The following PSG4 variants were observed in gnomAD, a reference collection of about 807,000 sequenced individuals.
The protein encoded by PSG4 is pregnancy-specific beta-1-glycoprotein 4.
A neutral mutation model predicts 44.3 loss-of-function variants in PSG4; 61 were observed. The observed-to-expected ratio is 1.38, with a 90% CI of 1.12 to 1.70. The LOEUF (loss-of-function observed/expected upper bound fraction) is 1.70. Ranked by LOEUF, PSG4 falls within the 40% of genes most tolerant of loss-of-function variation. The pLI is 0.00. For missense variants in PSG4, 677 were observed against 511.7 expected, an observed-to-expected ratio of 1.32 and a Z score of -3.12; for synonymous variants, 248 against 191.3, an observed-to-expected ratio of 1.30 and a Z score of -2.45.
rs1432885264 is a variant in PSG4, at chr19:43,198,274, C to T, written c.432G>A (p.Leu144=). Residue 144 remains leucine, a splice_region_variant and synonymous_variant, in exon 3 of 6, where the codon CTG becomes CTA. Transcript: ENST00000405312. Reference sequence around the variant, plus strand: ...TGGAGATGGAGGGCTTGGGAGTCTCCACTGTGCAGAAAACAGAGAGAGGTT... The same window carrying T: ...TGGAGATGGAGGGCTTGGGAGTCTCTACTGTGCAGAAAACAGAGAGAGGTT... ...VTGHFTFTLH[L]ETPKPSISSS... is the part of the protein sequence containing the mutation. 39 of 1,584,842 alleles carry T rather than the reference C, an allele frequency of 2.5e-5. 5 individuals are homozygous for T. The highest frequency in any genetic ancestry group is 3.2e-5 in the Non-Finnish European group (37 of 1,170,728).
In PSG4 at chr19:43,194,501, C is replaced by CGTGG. The variant is rs1967145771; in HGVS notation, c.1078_1081dup (p.Arg361ProfsTer10). ...ATTAATTGTCCAAGAATATTGTGCC[C>CGTGG]GTGGGTTAGACTCGGCGAAGCAGGA... On this transcript the variant is annotated frameshift_variant, in exon 5 of 6. Coordinates refer to ENST00000405312, the MANE Select transcript of PSG4 (RefSeq NM_002780.5). LOFTEE classifies it high-confidence loss of function. The CGTGG allele has an allele frequency of 6.2e-7, 1 of 1,612,436 alleles. No homozygotes were observed. Among genetic ancestry groups the CGTGG allele is most frequent in the Non-Finnish European group, 8.5e-7 (1 of 1,179,134 alleles).
Position 43,194,580 on chromosome 19 carries a change from G to C in PSG4, c.1003C>G (p.Pro335Ala). The stretch of plus-strand genomic sequence containing the variant: ...TAGGTGAATGAAGGGTAAATGCTGG[G>C]GAGGTCTGGACCATCTGGCGCAAAG... The part of the protein sequence containing the change: ...TLNVLYGPDL[P>A]SIYPSFTYYR... The change falls in exon 5 of 6, where the codon CCC becomes GCC. Residue 335 changes from proline (P) to alanine (A), a missense_variant. Pro to Ala is a conservative substitution (Grantham distance 27). Coordinates refer to ENST00000405312, the MANE Select transcript of PSG4 (RefSeq NM_002780.5). 6.2e-7 allele frequency: 1 copy of C among 1,611,546 alleles called. No individual in the cohort carries two copies. Among genetic ancestry groups the C allele is most frequent in the East Asian group, 2.2e-5 (1 of 44,872 alleles).
rs1465175595 is a variant in PSG4 at position 43,198,714 on chromosome 19, A to G, written c.431-439T>C. 5.0e-5 allele frequency: 9 copies of G among 180,536 alleles called. 4 individuals carry two copies. In the East Asian group the frequency reaches 1.5e-3, roughly 31 times the overall value. The allele number at this position is 180,536 out of a possible 1,614,324, so 11.2% of individuals were successfully genotyped here. A position where few individuals can be genotyped will look rare whatever the true frequency, so the allele number is the denominator to read the frequency against. ...CTTTCCAAGGACATCCTAGAGATGG[A>G]TGATGGAACTTCCCATTGTCCTTAA... On this transcript the variant is annotated intron_variant, in intron 2 of 5. Coordinates refer to ENST00000405312, the MANE Select transcript of PSG4 (RefSeq NM_002780.5).
At chr19:43,204,439 G>A in intron 1 of PSG4, 188 bp from the exon 2 acceptor site, 3 of 827,192 alleles carry the variant, frequency 3.6e-6, no homozygotes, top group Non-Finnish European at 5.3e-6. Flanking sequence ...GTCAAGATCA[G>A]CAGCATGACC....
intron 3 of PSG4, among the ~76,000 whole-genome samples, chr19:43,195,983 G>C (rs147421547): frequency 0.01 from 1,575 of 150,984 alleles, 40 homozygotes; most frequent in Non-Finnish European, 0.015. Flanking sequence ...GGTGGCTTTG[G>C]AGCAGAACCA....
intron 2 of PSG4, among the ~76,000 whole-genome samples, chr19:43,202,648 C>A (rs1967567561): frequency 6.9e-6 from 1 of 144,222 alleles, no homozygotes; most frequent in Non-Finnish European, 1.5e-5. Context: ...GTGACATGGG[C>A]ACTTTGGGAA....
chr19:43,205,284 T>A (rs1967730964), intron 1 of PSG4, among the ~76,000 whole-genome samples, 189 bp downstream of exon 1: 1 of 142,678 alleles, frequency 7.0e-6, no homozygotes, highest in Non-Finnish European at 1.5e-5. Flanking sequence ...ATTTTTTGTG[T>A]TTTTAGTAGA....
chr19:43,200,321 C>T (rs1430002172), intron 2 of PSG4, among the ~76,000 whole-genome samples: 1 of 144,940 alleles, frequency 6.9e-6, no homozygotes, highest in Non-Finnish European at 1.5e-5. Flanking sequence ...TGGTCCGCAA[C>T]ACCACCAGTA....
chr19:43,204,502 C>T lies in PSG4; in HGVS notation c.65-251G>A, dbSNP rs1332333084. ...GCATTTTTCTTTTTGGATTCCTCTTCCCCAGGGGTCCGCACGGCCCCCTCC... is the reference window on the plus strand; with the variant it reads ...GCATTTTTCTTTTTGGATTCCTCTTTCCCAGGGGTCCGCACGGCCCCCTCC... On this transcript the variant is annotated intron_variant, in intron 1 of 5. Transcript: ENST00000405312. 1.2e-5 allele frequency: 6 copies of T among 513,914 alleles called. 1 individual carries two copies. The highest frequency in any genetic ancestry group is 1.9e-5 in the Non-Finnish European group (6 of 320,658). 31.8% of individuals were successfully genotyped at this position (513,914 alleles called of 1,614,324 possible).
intron 2 of PSG4, among the ~76,000 whole-genome samples, chr19:43,201,393 C>T (rs1362833783): frequency 6.9e-6 from 1 of 145,684 alleles, no homozygotes. Flanking sequence ...TCCCTGACTG[C>T]TCCAGTGTCA....
At position 43,195,285 on chromosome 19, in the gene PSG4, A is replaced by G. The variant is rs759007794; in HGVS notation, c.710-12T>C. On this transcript the variant is annotated splice_polypyrimidine_tract_variant and intron_variant, in intron 3 of 5. Coordinates refer to ENST00000405312, the MANE Select transcript of PSG4 (RefSeq NM_002780.5). ...CTTGGACAGCTTTGCTGTGTGGATA[A>G]CAGAGAGAAGATTGTCCTGTGTGGC... The G allele has an allele frequency of 1.1e-5, 17 of 1,608,886 alleles. No individual in the cohort carries two copies. In the East Asian group the frequency reaches 3.3e-4, roughly 32 times the overall value.
intron 3 of PSG4, among the ~76,000 whole-genome samples, chr19:43,195,955 A>G (rs1451881033): frequency 6.6e-6 from 1 of 150,696 alleles, no homozygotes; most frequent in Non-Finnish European, 1.5e-5. Context: ...GAAGGAGTCA[A>G]GGGGACAGGC....
At chr19:43,195,935 G>T (rs1403793355) in intron 3 of PSG4, among the ~76,000 whole-genome samples, 1 of 150,500 alleles carries the variant, frequency 6.6e-6, no homozygotes, top group Non-Finnish European at 1.5e-5. Context: ...AGAGTGCAAG[G>T]AATGATCTAG....
intron 4 of PSG4, 61 bp from the exon 5 acceptor site, chr19:43,194,655 C>G: frequency 6.4e-7 from 1 of 1,564,724 alleles, no homozygotes; most frequent in South Asian, 1.2e-5. Context: ...TGTTCCTGGT[C>G]TCTTAAAGGG....
intron 2 of PSG4, chr19:43,203,598 A>T (rs1277744403): frequency 2.3e-6 from 1 of 433,606 alleles, no homozygotes; most frequent in Non-Finnish European, 3.8e-6. Flanking sequence ...CGTCAAATTT[A>T]TGAAGAGGGC....
intron 1 of PSG4, chr19:43,204,703 G>GCCCCCC: frequency 8.5e-6 from 1 of 117,304 alleles, no homozygotes; most frequent in South Asian, 7.9e-5. Flanking sequence ...TTCCCCCCAC[G>GCCCCCC]ATGACTGTGT....
Position 43,204,898 on chromosome 19 carries a change from A to G in PSG4, c.64+575T>C, listed in dbSNP as rs1490699948. The G allele has an allele frequency of 7.9e-6, 3 of 380,174 alleles. No homozygotes were observed. The Admixed American group carries it at 9.8e-5, about 12-fold the overall frequency. 23.6% of individuals were successfully genotyped at this position (380,174 alleles called of 1,614,324 possible). Reference sequence around the variant, plus strand: ...ATGTCCTGCTTATATTTTCATTTGAAGTGTCATCTGATATAGTTATTGTTA... The same window carrying G: ...ATGTCCTGCTTATATTTTCATTTGAGGTGTCATCTGATATAGTTATTGTTA... On this transcript the variant is annotated intron_variant, in intron 1 of 5. Coordinates refer to ENST00000405312, the MANE Select transcript of PSG4 (RefSeq NM_002780.5).
Position 43,194,890 on chromosome 19 carries a change from G to C in PSG4, c.988+105C>G, listed in dbSNP as rs1313711170. On this transcript the variant is annotated intron_variant, in intron 4 of 5. Coordinates refer to ENST00000405312, the MANE Select transcript of PSG4 (RefSeq NM_002780.5). Reference sequence around the variant, plus strand: ...TCATGGCCACCTCGGATGTCCAGAAGTAAAGGTGTCTATACTTGGACTGGA... The same window carrying C: ...TCATGGCCACCTCGGATGTCCAGAACTAAAGGTGTCTATACTTGGACTGGA... 10 of 1,551,668 alleles carry C rather than the reference G, an allele frequency of 6.4e-6. 1 individual carries two copies. The highest frequency in any genetic ancestry group is 8.7e-6 in the Non-Finnish European group (10 of 1,151,376).
Position 43,196,213 on chromosome 19 carries a change from T to C in PSG4, c.710-940A>G, listed in dbSNP as rs59973682. Among the ~76,000 whole-genome samples, 636 of 151,728 alleles carry C rather than the reference T, an allele frequency of 4.2e-3. 9 individuals carry two copies. The highest frequency in any genetic ancestry group is 0.014 in the African/African-American group (581 of 41,252). On this transcript the variant is annotated intron_variant, in intron 3 of 5. Coordinates refer to ENST00000405312, the MANE Select transcript of PSG4 (RefSeq NM_002780.5). ...GAAGTTTTGCAAATATTTTCTTTCATTGGACATTCTACTCTCTGATTCCCT... is the reference window on the plus strand; with the variant it reads ...GAAGTTTTGCAAATATTTTCTTTCACTGGACATTCTACTCTCTGATTCCCT...
Sources: gnomAD v4.1 joint callset for allele counts (sites outside exome capture counted in the v4.1 genomes callset) on GRCh38, gnomAD v4.1.1 for gene constraint, MANE v1.5 for transcripts, NCBI Gene and HGNC (gene_info 2026-07-23, HGNC 2026-07-21) for gene names.